IL17REL: variants seen among roughly 807,000 people sequenced by gnomAD.
IL17REL encodes interleukin 17 receptor E like.
Under a neutral mutation model 49.0 loss-of-function variants are expected in IL17REL, and 36 were observed. The observed-to-expected ratio is 0.73, with a 90% CI of 0.56 to 0.97. The LOEUF (loss-of-function observed/expected upper bound fraction) is 0.97. Ranked by LOEUF, IL17REL falls within the 50% of genes least tolerant of loss-of-function variation. IL17REL has a pLI of 0.00. For synonymous variants in IL17REL, 206 were observed against 192.4 expected (o/e 1.07, Z -0.58); for missense variants, 470 against 453.9 (o/e 1.04, Z -0.32).
intron 1 of IL17REL, among the ~76,000 whole-genome samples, chr22:50,001,525 G>A (rs946526143): frequency 1.3e-5 from 2 of 152,194 alleles, no homozygotes; most frequent in African/African-American, 4.8e-5. Context: ...GGCCAGCAAG[G>A]GGGCAGGAAG....
upstream of IL17REL, among the ~76,000 whole-genome samples, chr22:50,009,684 C>T (rs1373554308): frequency 6.6e-6 from 1 of 152,212 alleles, no homozygotes; most frequent in Non-Finnish European, 1.5e-5. Context: ...GAGACCTGGA[C>T]TTCTGCTCCT....
upstream of IL17REL, among the ~76,000 whole-genome samples, chr22:50,010,084 C>T (rs975114343): frequency 1.3e-5 from 2 of 152,242 alleles, no homozygotes; most frequent in Non-Finnish European, 2.9e-5. Context: ...TCTTCGTTCT[C>T]ACCCCACCGT....
In IL17REL at chr22:50,008,619, G is replaced by A. The variant is rs2061122585; in HGVS notation, c.-42+18C>T. The A allele has an allele frequency of 6.6e-6, 1 of 152,530 alleles. No homozygotes were observed. Among genetic ancestry groups the A allele is most frequent in the South Asian group, 2.1e-4 (1 of 4,842 alleles). The allele number at this position is 152,530 out of a possible 1,614,324, so 9.4% of individuals were successfully genotyped here. ...GAGTCCAGGCCCTGAGCATCCCCCGGGGCTGAGATGTACTCACGGTTCCTG... is the reference window on the plus strand; with the variant it reads ...GAGTCCAGGCCCTGAGCATCCCCCGAGGCTGAGATGTACTCACGGTTCCTG... On this transcript the variant is annotated intron_variant, in intron 1 of 12. Coordinates refer to ENST00000341280, the Ensembl canonical transcript of IL17REL.
Position 50,001,141 on chromosome 22 carries a change from C to CACTGCAT in IL17REL, c.43_49dup (p.Cys17TyrfsTer7), listed in dbSNP as rs2061077815. The stretch of plus-strand genomic sequence containing the variant: ...CATCGCGCAGCCGTCAGAGGGGACA[C>CACTGCAT]ACTGCATGGCAGTGGAGGACGTCAG... On this transcript the variant is annotated frameshift_variant, in exon 2 of 13. Coordinates refer to ENST00000341280, the Ensembl canonical transcript of IL17REL. LOFTEE classifies it high-confidence loss of function. 1 of 1,607,094 alleles carries CACTGCAT rather than the reference C, an allele frequency of 6.2e-7. No individual in the cohort carries two copies. Among genetic ancestry groups the CACTGCAT allele is most frequent in the Non-Finnish European group, 8.5e-7 (1 of 1,177,344 alleles).
At chr22:49,992,819 T>C (rs1160277369), downstream of IL17REL, among the ~76,000 whole-genome samples, 1 of 152,108 alleles carries the variant, frequency 6.6e-6, no homozygotes, top group Non-Finnish European at 1.5e-5. Flanking sequence ...GGTTTCCCCA[T>C]GTTGGCCAGG....
chr22:49,997,249 C>T (rs535375929), intron 11 of IL17REL, 71 bp downstream of exon 13: 2 of 1,514,852 alleles, frequency 1.3e-6, no homozygotes, highest in African/African-American at 2.7e-5. Context: ...GAGACCACCA[C>T]AGGGAAGTGA....
At chr22:49,995,436 A>T (rs2146735182) in exon 13 of IL17REL, 1 of 152,460 alleles carries the variant, frequency 6.6e-6, no homozygotes, top group Middle Eastern at 3.4e-3. Context: ...GACAGCCAGC[A>T]GGTGCCTAGG....
intron 8 of IL17REL, 27 bp downstream of exon 10, chr22:49,998,110 C>G (rs757303938): frequency 2.5e-6 from 4 of 1,594,004 alleles, no homozygotes; most frequent in Non-Finnish European, 3.4e-6. Flanking sequence ...CCATGCCCAC[C>G]CCCATCCCTG....
At chr22:50,007,755 C>T (rs1004689385) in intron 1 of IL17REL, among the ~76,000 whole-genome samples, 1 of 152,096 alleles carries the variant, frequency 6.6e-6, no homozygotes, top group African/African-American at 2.4e-5. Context: ...AGGGGCCAAG[C>T]TGATCTAATC....
chr22:50,006,444 G>T (rs533522940), intron 1 of IL17REL, among the ~76,000 whole-genome samples: 1 of 152,200 alleles, frequency 6.6e-6, no homozygotes, highest in Admixed American at 6.6e-5. Context: ...AGGTAAACAA[G>T]CACACCAGGA....
chr22:49,992,748 G>C (rs1452745135), downstream of IL17REL, among the ~76,000 whole-genome samples: 2 of 152,210 alleles, frequency 1.3e-5, no homozygotes, highest in African/African-American at 4.8e-5. Flanking sequence ...CTCCTGAGTA[G>C]CTGGGATTAC....
At chr22:50,011,423 C>T (rs2061140925), upstream of IL17REL, among the ~76,000 whole-genome samples, 1 of 152,012 alleles carries the variant, frequency 6.6e-6, no homozygotes, top group South Asian at 2.1e-4. Context: ...TGCCTGCATA[C>T]CCCGCAGCCG....
exon 10 of IL17REL, chr22:49,997,698 C>T (rs748223918): frequency 4.3e-6 from 7 of 1,613,944 alleles, no homozygotes; most frequent in Non-Finnish European, 5.9e-6. Flanking sequence ...GGAAGCGACG[C>T]TGTTCGAAAG....
At chr22:50,008,590 T>TG (rs2061122410) in intron 1 of IL17REL, 47 bp downstream of exon 2, 1 of 152,392 alleles carries the variant, frequency 6.6e-6, no homozygotes, top group Non-Finnish European at 1.5e-5. Context: ...TAGCCTGGGG[T>TG]GGGGAGTCCA....
At chr22:49,997,001 C>A in exon 12 of IL17REL, 11 of 1,519,006 alleles carry the variant, frequency 7.2e-6, no homozygotes, top group Non-Finnish European at 9.7e-6. Context: ...CACCTGGATG[C>A]AGATGCCTGG....
In IL17REL at chr22:49,996,780, G is replaced by T. The variant is rs574740458; in HGVS notation, c.*125C>A. On this transcript the variant is annotated 3_prime_UTR_variant, in exon 13 of 13. Transcript: ENST00000341280. The stretch of plus-strand genomic sequence containing the variant: ...TAGGTCTAGTCCTCGGCCTCCTGCG[G>T]CCCCTGAGAGATGGGCACCCACTGG... 41 of 500,072 alleles carry T rather than the reference G, an allele frequency of 8.2e-5. 2 individuals are homozygous for T. In the South Asian group the frequency reaches 1.2e-3, roughly 14 times the overall value. The allele number at this position is 500,072 out of a possible 1,614,324, so 31.0% of individuals were successfully genotyped here. A position where few individuals can be genotyped will look rare whatever the true frequency, so the allele number is the denominator to read the frequency against.
upstream of IL17REL, among the ~76,000 whole-genome samples, chr22:50,009,364 G>T (rs1046094629): frequency 6.6e-6 from 1 of 152,174 alleles, no homozygotes; most frequent in Non-Finnish European, 1.5e-5. Flanking sequence ...GCTCCCACGG[G>T]GCAGAAGGGT....
In IL17REL at chr22:50,000,883, G is replaced by A. The variant is rs566957905; in HGVS notation, c.110-20C>T. 32 of 1,503,798 alleles carry A rather than the reference G, an allele frequency of 2.1e-5. No homozygotes were observed. The highest frequency in any genetic ancestry group is 2.2e-4 in the Middle Eastern group (1 of 4,538). The allele number at this position is 1,503,798 out of a possible 1,614,324, so 93.2% of individuals were successfully genotyped here. ...GGCGCTCTGGGTGGAGGAAGGACCC[G>A]GCAGGGTGCATCAGAGCAGGGCCGC... On this transcript the variant is annotated intron_variant, in intron 2 of 12. Coordinates refer to ENST00000341280, the Ensembl canonical transcript of IL17REL.
At chr22:50,010,993 ACCCGCGCG>A (rs2061138033), upstream of IL17REL, among the ~76,000 whole-genome samples, 1 of 131,578 alleles carries the variant, frequency 7.6e-6, no homozygotes, top group Non-Finnish European at 1.6e-5. Context: ...TCCCGCCGTC[ACCCGCGCG>A]GGTCCCCCCC....
Sources: allele counts gnomAD v4.1 joint callset (sites outside exome capture counted in the v4.1 genomes callset), GRCh38; gene constraint gnomAD v4.1.1; transcripts MANE v1.5; gene names NCBI Gene and HGNC (gene_info 2026-07-23, HGNC 2026-07-21).